Variants in ATP2B2 observed in about 807,000 individuals in gnomAD.
The protein encoded by ATP2B2 is ATPase plasma membrane Ca2+ transporting 2.
ATP2B2 carries 15 observed loss-of-function variants against 120.0 expected under a neutral mutation model. That is an observed-to-expected ratio of 0.12 (90% CI 0.08 to 0.19). ATP2B2 has a LOEUF of 0.19. Among genes scored for constraint, ATP2B2 ranks in the 10% least tolerant of loss-of-function variants. ATP2B2 has a pLI of 1.00. For missense variants in ATP2B2, 1,045 were observed against 1,719.8 expected (o/e 0.61, Z 6.94); for synonymous variants, 694 against 700.3 (o/e 0.99, Z 0.14).
chr3:10,457,175 A>T (rs1378367269), intron 1 of ATP2B2, among the ~76,000 whole-genome samples: 1 of 151,556 alleles, frequency 6.6e-6, no homozygotes, highest in Non-Finnish European at 1.5e-5. Context: ...GTGTTAGACC[A>T]GTGTGAGTGT....
chr3:10,545,415 G>A (rs1395468596), intron 2 of ATP2B2, among the ~76,000 whole-genome samples: 1 of 152,008 alleles, frequency 6.6e-6, no homozygotes, highest in East Asian at 1.9e-4. Context: ...TGTAATCCCA[G>A]TTACTTGGGA....
chr3:10,439,528 C>T (rs34860), intron 2 of ATP2B2, among the ~76,000 whole-genome samples: 78,402 of 152,058 alleles, frequency 0.52, 21,751 homozygotes, highest in Non-Finnish European at 0.61. Context: ...TCAGTGTGGC[C>T]CCTGGAAGCC....
At chr3:10,529,010 C>T (rs1256563948) in intron 3 of ATP2B2, among the ~76,000 whole-genome samples, 4 of 152,190 alleles carry the variant, frequency 2.6e-5, no homozygotes, top group Admixed American at 2.6e-4. Flanking sequence ...TAAAGGGGGT[C>T]CAGCACTGAC....
At chr3:10,368,844 CCCTA>C (rs1326868315) in intron 12 of ATP2B2, among the ~76,000 whole-genome samples, 1 of 152,216 alleles carries the variant, frequency 6.6e-6, no homozygotes, top group African/African-American at 2.4e-5. Flanking sequence ...CCCCCCTTCT[CCCTA>C]CCTATCCCTC....
chr3:10,472,843 G>C (rs2125290714), intron 1 of ATP2B2, among the ~76,000 whole-genome samples: 1 of 152,324 alleles, frequency 6.6e-6, no homozygotes, highest in African/African-American at 2.4e-5. Context: ...CAGTAGCAGT[G>C]TCGGCTAATG....
In ATP2B2 at chr3:10,525,902, T is replaced by C. The variant is rs527820414; in HGVS notation, c.-320+8137A>G. Among the ~76,000 whole-genome samples the C allele has an allele frequency of 5.3e-4, 81 of 152,338 alleles. 2 individuals are homozygous for C. The South Asian group carries it at 0.016, about 31-fold the overall frequency. On this transcript the variant is annotated intron_variant, in intron 3 of 21. Transcript: ENST00000646379. The stretch of plus-strand genomic sequence containing the variant: ...TTTCACTCATTCTCTGTCATTGTTT[T>C]GTATCATCTGCTTCGCAACTGTATT...
At chr3:10,498,563 A>C (rs1480834724) in intron 1 of ATP2B2, among the ~76,000 whole-genome samples, 1 of 152,226 alleles carries the variant, frequency 6.6e-6, no homozygotes, top group Non-Finnish European at 1.5e-5. Flanking sequence ...GCTGGGCTAG[A>C]ATGAGTTCAT....
chr3:10,551,078 T>C (rs1336165948), intron 2 of ATP2B2, among the ~76,000 whole-genome samples: 4 of 152,178 alleles, frequency 2.6e-5, no homozygotes, highest in Non-Finnish European at 5.9e-5. Flanking sequence ...TAGGTCTCTT[T>C]CTGGCCTGGG....
At chr3:10,377,832 C>G (rs2061422768) in intron 10 of ATP2B2, among the ~76,000 whole-genome samples, 2 of 152,382 alleles carry the variant, frequency 1.3e-5, no homozygotes, top group Admixed American at 6.5e-5. Flanking sequence ...CCTGCACCCT[C>G]TCCAGCTGCT....
At chr3:10,352,073 TG>T (rs1192848392) in intron 14 of ATP2B2, among the ~76,000 whole-genome samples, 1 of 152,226 alleles carries the variant, frequency 6.6e-6, no homozygotes, top group East Asian at 1.9e-4. Context: ...AGCTCCTGCC[TG>T]GGGTCTCCTT....
intron 10 of ATP2B2, 27 bp downstream of exon 10, chr3:10,378,225 C>T (rs539647355): frequency 2.6e-5 from 41 of 1,600,674 alleles, no homozygotes; most frequent in Non-Finnish European, 3.2e-5. Context: ...TGAGCCCTGT[C>T]CCCTGCCTCC....
chr3:10,676,231 A>C (rs2071239699), intron 1 of ATP2B2, among the ~76,000 whole-genome samples: 1 of 152,122 alleles, frequency 6.6e-6, no homozygotes, highest in African/African-American at 2.4e-5. Flanking sequence ...CAGTCTCTGG[A>C]ACTTGGTTTG....
chr3:10,389,111 T>C (rs935909197), intron 5 of ATP2B2, among the ~76,000 whole-genome samples: 1 of 152,228 alleles, frequency 6.6e-6, no homozygotes, highest in Admixed American at 6.5e-5. Context: ...ACCACTTTCC[T>C]AGAACTTTAG....
In ATP2B2 at chr3:10,686,257, C is replaced by T. The variant is rs941048620; in HGVS notation, c.-460+21658G>A. Among the ~76,000 whole-genome samples, 4 of 152,108 alleles carry T rather than the reference C, an allele frequency of 2.6e-5. No individual in the cohort carries two copies. The East Asian group carries it at 5.8e-4, about 22-fold the overall frequency. On this transcript the variant is annotated intron_variant, in intron 1 of 21. Transcript: ENST00000646379. ...GATCACTCAAACTCTAGACAGTTTC[C>T]TCAAACTGATGTTAGTCTTGTGGAG...
chr3:10,665,478 A>T (rs1401374733), intron 1 of ATP2B2, among the ~76,000 whole-genome samples: 3 of 151,968 alleles, frequency 2.0e-5, no homozygotes, highest in African/African-American at 7.3e-5. Context: ...TTGACACGTA[A>T]CTGTGGGGTT....
chr3:10,684,336 G>A (rs953023739), intron 1 of ATP2B2, among the ~76,000 whole-genome samples: 2 of 152,240 alleles, frequency 1.3e-5, no homozygotes, highest in African/African-American at 4.8e-5. Context: ...GAAAAGCAGA[G>A]CTGAGAGAAG....
chr3:10,668,110 G>A (rs1377491630), intron 1 of ATP2B2, among the ~76,000 whole-genome samples: 2 of 152,242 alleles, frequency 1.3e-5, no homozygotes, highest in Non-Finnish European at 2.9e-5. Flanking sequence ...CTGTGGCATT[G>A]GGGTGTGGCC....
intron 2 of ATP2B2, among the ~76,000 whole-genome samples, chr3:10,550,552 G>A (rs2067646701): frequency 6.6e-6 from 1 of 152,068 alleles, no homozygotes; most frequent in Non-Finnish European, 1.5e-5. Context: ...AAGTACAGCT[G>A]CATCAAACAT....
At chr3:10,380,816 G>A (rs560303145) in intron 8 of ATP2B2, among the ~76,000 whole-genome samples, 5 of 152,206 alleles carry the variant, frequency 3.3e-5, no homozygotes, top group Admixed American at 1.3e-4. Context: ...AAAACAGGAT[G>A]AGACATTCAC....
Sources: gnomAD v4.1 joint callset for allele counts (sites outside exome capture counted in the v4.1 genomes callset) on GRCh38, gnomAD v4.1.1 for gene constraint, MANE v1.5 for transcripts, NCBI Gene and HGNC (gene_info 2026-07-23, HGNC 2026-07-21) for gene names.